Variants in TEC observed in about 807,000 individuals in gnomAD.
TEC encodes tyrosine-protein kinase Tec.
Under a neutral mutation model 93.0 loss-of-function variants are expected in TEC, and 72 were observed. The observed-to-expected ratio is 0.77, with a 90% CI of 0.64 to 0.94. The LOEUF is 0.94. TEC is among the 40% of genes least tolerant of loss of function. The pLI is 0.00. For synonymous variants in TEC, 249 were observed against 247.7 expected, an observed-to-expected ratio of 1.01 and a Z score of -0.05; for missense variants, 630 against 757.9, an observed-to-expected ratio of 0.83 and a Z score of 1.98.
At chr4:48,179,376 ATTTTTTTTTT>A (rs1159156668) in intron 2 of TEC, among the ~76,000 whole-genome samples, 2 of 21,164 alleles carry the variant, frequency 9.5e-5, no homozygotes, top group African/African-American at 1.7e-4. Context: ...ATATATATAT[ATTTTTTTTTT>A]TTTTTTTTTT....
rs1724746449 is a variant in TEC, at chr4:48,269,800, A to G, written c.-94T>C. ...CGGACCTGGGGAGACTGCGAGGTGC[A>G]GTCTGCGCCGCGGAGTCCGGAGCCT... On this transcript the variant is annotated 5_prime_UTR_variant, in exon 1 of 18. Transcript: ENST00000381501. 1 of 152,140 alleles carries G rather than the reference A, an allele frequency of 6.6e-6. No individual in the cohort carries two copies. The highest frequency in any genetic ancestry group is 2.1e-4 in the South Asian group (1 of 4,832). 9.4% of individuals were successfully genotyped at this position (152,140 alleles called of 1,614,324 possible). A position where few individuals can be genotyped will look rare whatever the true frequency, so the allele number is the denominator to read the frequency against.
At chr4:48,163,818 T>TAAAA (rs139629025) in intron 7 of TEC, 51 bp from the exon 8 acceptor site, 5 of 1,014,032 alleles carry the variant, frequency 4.9e-6, no homozygotes, top group Non-Finnish European at 7.2e-6. Flanking sequence ...GGGAGGTTAT[T>TAAAA]GAAAGAAAGA....
At chr4:48,239,351 T>G (rs1329474933) in intron 1 of TEC, among the ~76,000 whole-genome samples, 2 of 152,224 alleles carry the variant, frequency 1.3e-5, no homozygotes, top group Non-Finnish European at 2.9e-5. Flanking sequence ...TTTTTCTCTT[T>G]TACTGTTTAC....
chr4:48,248,339 C>T (rs534906192), intron 1 of TEC, among the ~76,000 whole-genome samples: 5 of 152,272 alleles, frequency 3.3e-5, no homozygotes, highest in African/African-American at 7.2e-5. Context: ...CCAGGGCACA[C>T]GTGGCTTCTT....
chr4:48,202,427 G>T (rs1207333468), intron 2 of TEC, among the ~76,000 whole-genome samples: 1 of 151,950 alleles, frequency 6.6e-6, no homozygotes, highest in Non-Finnish European at 1.5e-5. Context: ...TTAGCTGGGC[G>T]TGGTGATGCA....
At chr4:48,254,549 T>C (rs1311984150) in intron 1 of TEC, among the ~76,000 whole-genome samples, 1 of 152,050 alleles carries the variant, frequency 6.6e-6, no homozygotes, top group Non-Finnish European at 1.5e-5. Flanking sequence ...TGAGAGTACA[T>C]AGAAAGACAG....
intron 14 of TEC, among the ~76,000 whole-genome samples, chr4:48,143,137 T>C (rs1719757229): frequency 6.6e-6 from 1 of 152,236 alleles, no homozygotes; most frequent in Admixed American, 6.5e-5. Context: ...TTAATATCCA[T>C]TCCCTGGACT....
chr4:48,173,579 T>C (rs1466991), intron 3 of TEC, among the ~76,000 whole-genome samples: 57,667 of 152,044 alleles, frequency 0.38, 11,961 homozygotes, highest in East Asian at 0.9. Context: ...GCAGAGGCTG[T>C]TGGGAGGGAA....
intron 2 of TEC, among the ~76,000 whole-genome samples, chr4:48,197,948 G>A (rs1722355235): frequency 6.6e-6 from 1 of 152,144 alleles, no homozygotes; most frequent in South Asian, 2.1e-4. Flanking sequence ...GGAACTCAAA[G>A]TGACCCCACA....
At chr4:48,250,919 T>C (rs150969850) in intron 1 of TEC, among the ~76,000 whole-genome samples, 2 of 152,328 alleles carry the variant, frequency 1.3e-5, no homozygotes, top group East Asian at 3.9e-4. Context: ...TATGGGACTG[T>C]TTGTTACACA....
chr4:48,145,650 A>G, intron 12 of TEC, 71 bp from the exon 13 acceptor site: 5 of 1,525,652 alleles, frequency 3.3e-6, no homozygotes, highest in Non-Finnish European at 4.5e-6. Context: ...AGGGGGAAAA[A>G]GAACCTACAA....
At chr4:48,234,558 G>A (rs770824282) in intron 1 of TEC, among the ~76,000 whole-genome samples, 2 of 152,120 alleles carry the variant, frequency 1.3e-5, no homozygotes, top group Non-Finnish European at 2.9e-5. Flanking sequence ...TAATAAGTTA[G>A]TAAAATTTAG....
intron 2 of TEC, among the ~76,000 whole-genome samples, chr4:48,226,133 AATATGTTT>A (rs1210893826): frequency 1.3e-5 from 2 of 152,184 alleles, no homozygotes; most frequent in Non-Finnish European, 2.9e-5. Flanking sequence ...CTTTAAACTC[AATATGTTT>A]ATCTTCTTCA....
chr4:48,142,714 C>T (rs2109504426), intron 14 of TEC, among the ~76,000 whole-genome samples: 1 of 152,080 alleles, frequency 6.6e-6, no homozygotes, highest in Non-Finnish European at 1.5e-5. Context: ...CTGAGTCTCG[C>T]TCTGTCACCA....
At position 48,232,720 on chromosome 4, in the gene TEC, G is replaced by C. The variant is rs1280826400; in HGVS notation, c.-45-4061C>G. Among the ~76,000 whole-genome samples, 106 of 152,280 alleles carry C rather than the reference G, an allele frequency of 7.0e-4. 1 individual carries two copies. Among genetic ancestry groups the C allele is most frequent in the Non-Finnish European group, 1.5e-5 (1 of 68,020 alleles). On this transcript the variant is annotated intron_variant, in intron 1 of 17. Transcript: ENST00000381501. ...CATTAAAAACAGTTACATTGTTGTTGTTAAGGAACTGACTCTCAAGGAAAT... is the reference window on the plus strand; with the variant it reads ...CATTAAAAACAGTTACATTGTTGTTCTTAAGGAACTGACTCTCAAGGAAAT...
At chr4:48,218,569 G>C (rs1049787412) in intron 2 of TEC, among the ~76,000 whole-genome samples, 3 of 152,182 alleles carry the variant, frequency 2.0e-5, no homozygotes, top group African/African-American at 7.2e-5. Context: ...ACCCTAGGAA[G>C]TGCTGAAAGA....
At chr4:48,174,159 T>G (rs901327836) in intron 3 of TEC, among the ~76,000 whole-genome samples, 6 of 152,244 alleles carry the variant, frequency 3.9e-5, no homozygotes, top group African/African-American at 1.4e-4. Context: ...CAAACTTTTC[T>G]CATATTTATT....
intron 2 of TEC, among the ~76,000 whole-genome samples, chr4:48,209,317 T>C (rs1234769164): frequency 2.0e-5 from 3 of 152,148 alleles, no homozygotes; most frequent in Non-Finnish European, 2.9e-5. Context: ...AGTATAATGG[T>C]TGGTTACAAA....
chr4:48,163,833 T>C (rs1720771454), intron 7 of TEC, 66 bp from the exon 8 acceptor site: 3 of 849,946 alleles, frequency 3.5e-6, no homozygotes, highest in Admixed American at 6.8e-5. Flanking sequence ...GAAAGAAAGA[T>C]TATTGCCTTT....
Sources: allele counts gnomAD v4.1 joint callset (sites outside exome capture counted in the v4.1 genomes callset), GRCh38; gene constraint gnomAD v4.1.1; transcripts MANE v1.5; gene names NCBI Gene and HGNC (gene_info 2026-07-23, HGNC 2026-07-21).